Variants in NRXN1 observed in about 807,000 individuals in gnomAD.
NRXN1 encodes the protein neurexin-1.
In NRXN1, 39 loss-of-function variants were observed where a neutral mutation model predicts 150.9. The ratio of observed to expected loss-of-function variants is 0.26; its 90% CI spans 0.20 to 0.34. NRXN1 has a LOEUF of 0.34. NRXN1 is among the 10% of genes least tolerant of loss of function. The probability of loss-of-function intolerance (pLI) is 1.00; values close to 1 mark genes in which losing one functional copy is unlikely to be tolerated. For synonymous variants in NRXN1, 924 were observed against 757.0 expected, an observed-to-expected ratio of 1.22 and a Z score of -3.62; for missense variants, 1,815 against 1,949.9, an observed-to-expected ratio of 0.93 and a Z score of 1.30.
intron 17 of NRXN1, among the ~76,000 whole-genome samples, chr2:50,450,889 T>G (rs1250866516): frequency 1.3e-5 from 2 of 152,342 alleles, no homozygotes; most frequent in African/African-American, 4.8e-5. Context: ...GAAAAGTTAC[T>G]TTCACTAGCA....
intron 8 of NRXN1, among the ~76,000 whole-genome samples, chr2:50,602,661 T>C (rs559622101): frequency 8.5e-5 from 13 of 152,246 alleles, no homozygotes; most frequent in African/African-American, 3.1e-4. Flanking sequence ...CTTTTAAAAT[T>C]ACTGATGGCT....
chr2:50,765,435 T>G (rs1222801012), intron 5 of NRXN1, among the ~76,000 whole-genome samples: 1 of 152,090 alleles, frequency 6.6e-6, no homozygotes, highest in African/African-American at 2.4e-5. Context: ...TTCTCTATCT[T>G]CTCTCACTTT....
chr2:50,167,537 C>G (rs2059762742), intron 18 of NRXN1, among the ~76,000 whole-genome samples: 1 of 151,586 alleles, frequency 6.6e-6, no homozygotes, highest in South Asian at 2.1e-4. Context: ...AATGCCTTTT[C>G]CTAAGGAGAA....
rs574852238 is a variant in NRXN1, at chr2:50,346,036, A to C, written c.3365-109066T>G. On this transcript the variant is annotated intron_variant, in intron 17 of 22. Transcript: ENST00000401669. The surrounding 1 kb of genome is among the most constrained non-coding windows in gnomAD (Gnocchi z 5.0). Reference sequence around the variant, plus strand: ...TGGATGGAAGGGGAATGGTGTCCAGAGGTCCCCTCCATGCCTGCGAAGGGC... The same window carrying C: ...TGGATGGAAGGGGAATGGTGTCCAGCGGTCCCCTCCATGCCTGCGAAGGGC... Among the ~76,000 whole-genome samples the C allele has an allele frequency of 9.8e-5, 15 of 152,318 alleles. No homozygotes were observed. Among genetic ancestry groups the C allele is most frequent in the African/African-American group, 3.4e-4 (14 of 41,590 alleles).
intron 5 of NRXN1, among the ~76,000 whole-genome samples, chr2:50,816,253 T>G (rs1263397343): frequency 4.6e-5 from 7 of 151,992 alleles, no homozygotes; most frequent in Non-Finnish European, 2.9e-5. Flanking sequence ...TTTGGGAGGG[T>G]GATGTTAAAT....
At chr2:50,907,580 C>T (rs1683896708) in intron 5 of NRXN1, among the ~76,000 whole-genome samples, 1 of 151,894 alleles carries the variant, frequency 6.6e-6, no homozygotes, top group Non-Finnish European at 1.5e-5. Flanking sequence ...GAACCCTGGA[C>T]CCAATGTTGT....
At chr2:50,472,597 G>A (rs2089605607) in intron 15 of NRXN1, 126 bp from the exon 16 acceptor site, 2 of 678,492 alleles carry the variant, frequency 2.9e-6, no homozygotes, top group East Asian at 5.6e-5. Context: ...TTTATGACTA[G>A]CTGTTTTCCC....
At chr2:50,721,776 A>C (rs776069222) in intron 5 of NRXN1, among the ~76,000 whole-genome samples, 3 of 152,094 alleles carry the variant, frequency 2.0e-5, no homozygotes, top group Non-Finnish European at 2.9e-5. Context: ...TTTCCTCATA[A>C]ACATTTGGGA....
chr2:50,640,076 T>C (rs1683851821), intron 5 of NRXN1, among the ~76,000 whole-genome samples: 1 of 152,108 alleles, frequency 6.6e-6, no homozygotes, highest in African/African-American at 2.4e-5. Context: ...TGAGAAAATG[T>C]CTAGTATTCA....
intron 18 of NRXN1, among the ~76,000 whole-genome samples, chr2:50,121,695 T>C (rs976526834): frequency 6.6e-5 from 10 of 152,198 alleles, no homozygotes; most frequent in Non-Finnish European, 2.9e-5. Flanking sequence ...CTGTGGGATA[T>C]AGACTATGAC....
chr2:50,328,579 C>CAA (rs1194231730), intron 17 of NRXN1, among the ~76,000 whole-genome samples: 2 of 149,726 alleles, frequency 1.3e-5, no homozygotes, highest in Admixed American at 1.3e-4. Context: ...ACGAAAAATA[C>CAA]AAAAAAAAAT....
At chr2:50,260,630 T>G (rs1216918444) in intron 17 of NRXN1, among the ~76,000 whole-genome samples, 1 of 19,492 alleles carries the variant, frequency 5.1e-5, no homozygotes, top group East Asian at 1.4e-3. Context: ...TTTTTTTCCG[T>G]TTTTTTTTTT....
At chr2:50,998,638 T>C (rs1558560497) in intron 2 of NRXN1, among the ~76,000 whole-genome samples, 1 of 152,036 alleles carries the variant, frequency 6.6e-6, no homozygotes, top group African/African-American at 2.4e-5. Context: ...GACACATATT[T>C]AAATGCTCCA....
chr2:50,339,834 A>G (rs979334651), intron 17 of NRXN1, among the ~76,000 whole-genome samples: 1 of 152,192 alleles, frequency 6.6e-6, no homozygotes, highest in African/African-American at 2.4e-5. Context: ...GCAGACATAA[A>G]TTTCACATCT....
chr2:50,678,062 A>G (rs1423182535), intron 5 of NRXN1, among the ~76,000 whole-genome samples: 2 of 152,160 alleles, frequency 1.3e-5, no homozygotes, highest in African/African-American at 4.8e-5. Flanking sequence ...GGTCTGAGAT[A>G]TTACAAGAAT....
At chr2:50,970,859 G>A (rs781444882) in intron 2 of NRXN1, among the ~76,000 whole-genome samples, 2 of 151,268 alleles carry the variant, frequency 1.3e-5, no homozygotes, top group Admixed American at 6.6e-5. Context: ...AGAACAACTT[G>A]ACCACATTAT....
chr2:50,513,261 A>C (rs1048923356), intron 12 of NRXN1, among the ~76,000 whole-genome samples: 4 of 152,192 alleles, frequency 2.6e-5, no homozygotes, highest in Non-Finnish European at 5.9e-5. Flanking sequence ...GAGTTCTGCA[A>C]ACCACCAAAG....
chr2:51,003,501 T>A (rs62143016), intron 2 of NRXN1, among the ~76,000 whole-genome samples: 19,349 of 152,038 alleles, frequency 0.13, 1,393 homozygotes, highest in Admixed American at 0.15. Context: ...CATCAAAATA[T>A]CCTATCTAAA....
intron 15 of NRXN1, among the ~76,000 whole-genome samples, chr2:50,482,067 C>G (rs1381629357): frequency 7.0e-6 from 1 of 142,030 alleles, no homozygotes; most frequent in Non-Finnish European, 1.5e-5. Flanking sequence ...CGCGCCCGGC[C>G]GAACTTTTGT....
Sources: gnomAD v4.1 joint callset for allele counts (sites outside exome capture counted in the v4.1 genomes callset) on GRCh38, gnomAD v4.1.1 for gene constraint, Gnocchi (gnomAD v3.1) non-coding constraint, MANE v1.5 for transcripts, NCBI Gene and HGNC (gene_info 2026-07-23, HGNC 2026-07-21) for gene names.